The following ANKMY1 variants were observed in gnomAD, a reference collection of about 807,000 sequenced individuals.
The protein encoded by ANKMY1 is ankyrin repeat and MYND domain-containing protein 1.
In ANKMY1, 98 loss-of-function variants were observed where a neutral mutation model predicts 102.0. That is an observed-to-expected ratio of 0.96 (90% CI 0.82 to 1.14). The LOEUF (loss-of-function observed/expected upper bound fraction) is 1.14, where lower values mean the gene tolerates loss of function less well. Among genes scored for constraint, ANKMY1 ranks in the 50% most tolerant of loss-of-function variants. ANKMY1 has a pLI of 0.00. For synonymous variants in ANKMY1, 582 were observed against 559.9 expected (o/e 1.04, Z -0.56); for missense variants, 1,330 against 1,347.6 (o/e 0.99, Z 0.20).
At chr2:240,522,697 C>G (rs372091575) in intron 8 of ANKMY1, 5 of 152,236 alleles carry the variant, frequency 3.3e-5, no homozygotes, top group Non-Finnish European at 7.3e-5. Context: ...AACATCAGAA[C>G]TTGGCCGTGT....
At chr2:240,560,702 T>C (rs761745297), upstream of ANKMY1, 527 of 1,528,178 alleles carry the variant, frequency 3.4e-4, no homozygotes, top group Non-Finnish European at 4.5e-4. Flanking sequence ...CGGCAGAAGC[T>C]GGGCGCCGCG....
At chr2:240,502,007 G>A (rs894989131) in intron 13 of ANKMY1, among the ~76,000 whole-genome samples, 6 of 152,186 alleles carry the variant, frequency 3.9e-5, no homozygotes, top group African/African-American at 1.4e-4. Flanking sequence ...ACATCCCTCC[G>A]AGGCCCCACC....
chr2:240,513,576 G>C (rs907654081), intron 9 of ANKMY1, among the ~76,000 whole-genome samples: 3 of 152,262 alleles, frequency 2.0e-5, no homozygotes, highest in African/African-American at 4.8e-5. Flanking sequence ...GGACCCCTGA[G>C]GGGGAGACAG....
At chr2:240,526,170 ATG>A in intron 6 of ANKMY1, 57 bp downstream of exon 6, 1 of 1,586,000 alleles carries the variant, frequency 6.3e-7, no homozygotes, top group Non-Finnish European at 8.7e-7. Flanking sequence ...GGCCACCCAC[ATG>A]TGTGACCCTC....
At chr2:240,560,750 C>T (rs773089505), upstream of ANKMY1, 5 of 1,504,530 alleles carry the variant, frequency 3.3e-6, no homozygotes, top group East Asian at 1.1e-4. Flanking sequence ...TGGTGCGCGT[C>T]GCGCCCTCAC....
Position 240,552,969 on chromosome 2 carries a change from T to G in ANKMY1, c.425A>C (p.Tyr142Ser). 1 of 1,613,884 alleles carries G rather than the reference T, an allele frequency of 6.2e-7. No homozygotes were observed. Among genetic ancestry groups the G allele is most frequent in the South Asian group, 1.1e-5 (1 of 91,056 alleles). Reference protein sequence around the residue: ...PDGSSFTGTFYLSHREGYGTM... With the variant: ...PDGSSFTGTFSLSHREGYGTM... ...GCCGTAGCCTTCTCGGTGGCTGAGG[T>G]AAAATGTGCCCGTGAAACTGGAGCC... is the stretch of plus-strand genomic sequence containing the variant. The change falls in exon 4 of 18, where the codon TAC becomes TCC. Residue 142 changes from tyrosine (Y) to serine (S), a missense_variant. By Grantham distance (144) the Tyr-to-Ser change is moderately radical. Transcript: ENST00000401804.
intron 15 of ANKMY1, among the ~76,000 whole-genome samples, chr2:240,488,145 A>G (rs537073596): frequency 1.4e-4 from 22 of 152,174 alleles, no homozygotes; most frequent in African/African-American, 5.1e-4. Flanking sequence ...GTCTATTTTT[A>G]TATATGGTGA....
At chr2:240,517,921 G>C (rs576102899) in intron 9 of ANKMY1, among the ~76,000 whole-genome samples, 1 of 152,336 alleles carries the variant, frequency 6.6e-6, no homozygotes, top group Admixed American at 6.5e-5. Context: ...GGAAGTGGGG[G>C]ATTGGAAAGA....
Position 240,512,829 on chromosome 2 carries a change from G to T in ANKMY1, c.2118C>A (p.Asp706Glu). The T allele has an allele frequency of 1.2e-6, 2 of 1,614,040 alleles. No homozygotes were observed. Among genetic ancestry groups the T allele is most frequent in the Non-Finnish European group, 1.7e-6 (2 of 1,179,984 alleles). Residue 706 changes from aspartate to glutamate, a missense_variant, in exon 10 of 18, where the codon GAC (aspartate) becomes GAA (glutamate). Coordinates refer to ENST00000401804, the MANE Select transcript of ANKMY1 (RefSeq NM_001282771.3). ...AITDVDAKAS[D>E]EDDTYKPGKL... The stretch of plus-strand genomic sequence containing the variant: ...TGCCGGGCTTGTAAGTGTCGTCCTC[G>T]TCGGATGCCTTGGCGTCCACATCGG...
At chr2:240,505,524 G>T (rs2078929800) in intron 13 of ANKMY1, among the ~76,000 whole-genome samples, 1 of 152,052 alleles carries the variant, frequency 6.6e-6, no homozygotes, top group Non-Finnish European at 1.5e-5. Context: ...CCACTTCCAG[G>T]CAAGTTCCCA....
rs200319499 is a variant in ANKMY1, at chr2:240,512,819, T to C, written c.2128A>G (p.Thr710Ala). ...GTACACACCTTGCCGGGCTTGTAAG[T>C]GTCGTCCTCGTCGGATGCCTTGGCG... ...VDAKASDEDD[T>A]YKPGKLDLLP... The change falls in exon 10 of 18, where the codon ACT (threonine) becomes GCT (alanine). Residue 710 changes from threonine (T) to alanine (A), a missense_variant. Transcript: ENST00000401804. 57 of 1,613,844 alleles carry C rather than the reference T, an allele frequency of 3.5e-5. No homozygotes were observed. The highest frequency in any genetic ancestry group is 3.3e-4 in the Middle Eastern group (2 of 6,080).
chr2:240,545,730 C>T (rs1186770917), intron 4 of ANKMY1, among the ~76,000 whole-genome samples: 2 of 151,874 alleles, frequency 1.3e-5, no homozygotes, highest in Non-Finnish European at 2.9e-5. Context: ...CCTCAGGAGC[C>T]GATGCGATCA....
Position 240,482,209 on chromosome 2 carries a change from C to T in ANKMY1, c.2859G>A (p.Arg953=), listed in dbSNP as rs745615959. 6.2e-7 allele frequency: 1 copy of T among 1,612,622 alleles called. No individual in the cohort carries two copies. The highest frequency in any genetic ancestry group is 1.7e-5 in the Admixed American group (1 of 59,824). The change falls in exon 16 of 18, where the codon AGG becomes AGA. Residue 953 remains arginine (R), a synonymous_variant. Transcript: ENST00000401804. ...RMKKKGPSLP[R]GLDVKEQGQI... ...GCCCCTGCTCCTTCACATCCAGGCC[C>T]CTGGGCAGGCTGGGGCCCTTCTTCT... is the stretch of plus-strand genomic sequence containing the variant.
At chr2:240,473,478 C>CAAAAAAAAAAAA in the ANKMY1 span, among the ~76,000 whole-genome samples, 1 of 135,068 alleles carries the variant, frequency 7.4e-6, no homozygotes, top group African/African-American at 2.8e-5. Context: ...ACCAATTAAC[C>CAAAAAAAAAAAA]AAAAAAAAAA....
intron 13 of ANKMY1, among the ~76,000 whole-genome samples, chr2:240,501,649 A>C (rs1404181348): frequency 6.6e-6 from 1 of 152,242 alleles, no homozygotes; most frequent in Non-Finnish European, 1.5e-5. Context: ...CATTCCACGC[A>C]AACACTGGAG....
intron 15 of ANKMY1, among the ~76,000 whole-genome samples, chr2:240,492,003 T>TA (rs557401491): frequency 0.03 from 4,421 of 147,464 alleles, 184 homozygotes; most frequent in Admixed American, 0.11. Flanking sequence ...AGTTTTCTTT[T>TA]AAAAAAAAAA....
rs1022065245 is a variant in ANKMY1 at position 240,500,673 on chromosome 2, C to T, written c.2527-108G>A. ...GGTCACCTGCAGTCCCCACCAAGGC[C>T]GCCCTTGCAGTGTGCGGGAATGCCC... On this transcript the variant is annotated intron_variant, in intron 13 of 17. Transcript: ENST00000401804. The T allele has an allele frequency of 4.7e-5, 43 of 915,700 alleles. No individual in the cohort carries two copies. In the Admixed American group the frequency reaches 6.1e-4, roughly 13 times the overall value. 56.7% of individuals were successfully genotyped at this position (915,700 alleles called of 1,614,324 possible). A position where few individuals can be genotyped will look rare whatever the true frequency, so the allele number is the denominator to read the frequency against.
the ANKMY1 span, among the ~76,000 whole-genome samples, chr2:240,470,362 C>T: frequency 1.3e-5 from 2 of 152,214 alleles, no homozygotes; most frequent in African/African-American, 4.8e-5. Flanking sequence ...AACAAGGCCA[C>T]CACAGCTTTC....
intron 15 of ANKMY1, among the ~76,000 whole-genome samples, chr2:240,487,444 G>T (rs2076177331): frequency 6.6e-6 from 1 of 152,180 alleles, no homozygotes. Flanking sequence ...GCAATAAATA[G>T]GCAAGTGCAG....
Sources: allele counts gnomAD v4.1 joint callset (sites outside exome capture counted in the v4.1 genomes callset), GRCh38; gene constraint gnomAD v4.1.1; transcripts MANE v1.5; gene names NCBI Gene and HGNC (gene_info 2026-07-23, HGNC 2026-07-21).